ETV6: variants seen among roughly 807,000 people sequenced by gnomAD.
ETV6 encodes the protein ETS variant transcription factor 6, also known as transcription factor ETV6.
Under a neutral mutation model 51.1 loss-of-function variants are expected in ETV6, and 16 were observed. The ratio of observed to expected loss-of-function variants is 0.31; its 90% CI spans 0.21 to 0.48. The LOEUF is 0.48. Among genes scored for constraint, ETV6 ranks in the 20% least tolerant of loss-of-function variants. The pLI is 0.99. For synonymous variants in ETV6, 240 were observed against 224.1 expected, an observed-to-expected ratio of 1.07 and a Z score of -0.64; for missense variants, 458 against 594.8, an observed-to-expected ratio of 0.77 and a Z score of 2.39.
At chr12:11,819,205 G>A (rs1037699511) in intron 2 of ETV6, among the ~76,000 whole-genome samples, 43 of 152,050 alleles carry the variant, frequency 2.8e-4, no homozygotes, top group Admixed American at 1.2e-3. Flanking sequence ...TCAACCCTCC[G>A]TGATCTGGTT....
chr12:11,819,221 G>A (rs955246715), intron 2 of ETV6, among the ~76,000 whole-genome samples: 16 of 152,004 alleles, frequency 1.1e-4, no homozygotes, highest in African/African-American at 2.7e-4. Context: ...TGGTTTCTAC[G>A]CCTGCTGCCC....
At chr12:11,717,871 G>A (rs1305873022) in intron 1 of ETV6, among the ~76,000 whole-genome samples, 1 of 152,106 alleles carries the variant, frequency 6.6e-6, no homozygotes, top group African/African-American at 2.4e-5. Flanking sequence ...ACTACTCGCT[G>A]CAACAACCCG....
intron 1 of ETV6, among the ~76,000 whole-genome samples, chr12:11,749,640 A>G (rs926976599): frequency 1.3e-5 from 2 of 152,310 alleles, no homozygotes; most frequent in East Asian, 1.9e-4. Flanking sequence ...GGTTATTGCA[A>G]TAGAGTGAAA....
chr12:11,649,961 C>A lies in ETV6; in HGVS notation c.-167C>A. The A allele has an allele frequency of 2.2e-6, 1 of 453,162 alleles. No homozygotes were observed. Among genetic ancestry groups the A allele is most frequent in the East Asian group, 3.5e-5 (1 of 28,634 alleles). The allele number at this position is 453,162 out of a possible 1,614,324, so 28.1% of individuals were successfully genotyped here. On this transcript the variant is annotated 5_prime_UTR_variant, in exon 1 of 8. Coordinates refer to ENST00000396373, the MANE Select transcript of ETV6 (RefSeq NM_001987.5). ...GCGCGCCCAACTCCGCCGGCCGCCC[C>A]GCCCCGCCCCGCGCGCTCCAGACCC...
intron 1 of ETV6, among the ~76,000 whole-genome samples, chr12:11,738,141 A>G (rs975209220): frequency 6.6e-6 from 1 of 152,038 alleles, no homozygotes; most frequent in Non-Finnish European, 1.5e-5. Flanking sequence ...CATCAGTCAC[A>G]GCATAGAAAG....
In ETV6 at chr12:11,720,758, C is replaced by T. The variant is rs1344632002; in HGVS notation, c.34-31692C>T. ...CTAATTAAACTAAAGAGCTTCTGCA[C>T]GGCAAAAGAATCAACAGAGTAAACA... On this transcript the variant is annotated intron_variant, in intron 1 of 7. Coordinates refer to ENST00000396373, the MANE Select transcript of ETV6 (RefSeq NM_001987.5). Among the ~76,000 whole-genome samples, 3 of 152,240 alleles carry T rather than the reference C, an allele frequency of 2.0e-5. No individual in the cohort carries two copies. The East Asian group carries it at 5.8e-4, about 29-fold the overall frequency.
intron 1 of ETV6, among the ~76,000 whole-genome samples, chr12:11,693,150 G>A (rs1209553583): frequency 6.6e-6 from 1 of 152,172 alleles, no homozygotes; most frequent in African/African-American, 2.4e-5. Flanking sequence ...GAAGACTTAC[G>A]GTGGTGGGAG....
At chr12:11,830,723 A>C (rs758670090) in intron 2 of ETV6, among the ~76,000 whole-genome samples, 2 of 152,222 alleles carry the variant, frequency 1.3e-5, no homozygotes, top group Admixed American at 6.5e-5. Context: ...ACCGTGTGCA[A>C]ATCACTGCAA....
At chr12:11,859,343 G>T (rs1490294037) in intron 4 of ETV6, among the ~76,000 whole-genome samples, 1 of 151,410 alleles carries the variant, frequency 6.6e-6, no homozygotes, top group Admixed American at 6.6e-5. Context: ...GGGTTTCGCC[G>T]TGTTAGCCAG....
rs1300993680 is a variant in ETV6, at chr12:11,869,872, C to G, written c.912C>G (p.Ile304Met). Residue 304 changes from isoleucine to methionine, a missense_variant, in exon 5 of 8, where the codon ATC (isoleucine) becomes ATG (methionine). Ile to Met is a conservative substitution (Grantham distance 10). Transcript: ENST00000396373. This position sits in a 1 kb window ranked among gnomAD's most constrained non-coding sequence, Gnocchi z 5.0. ...EDGLHREGKP[I>M]NLSHREDLAY... Reference sequence around the variant, plus strand: ...GGCTGCATAGGGAAGGGAAGCCCATCAACCTCTCTCATCGGGAAGACCTGG... The same window carrying G: ...GGCTGCATAGGGAAGGGAAGCCCATGAACCTCTCTCATCGGGAAGACCTGG... 1 of 1,613,102 alleles carries G rather than the reference C, an allele frequency of 6.2e-7. No individual in the cohort carries two copies. Among genetic ancestry groups the G allele is most frequent in the African/African-American group, 1.3e-5 (1 of 75,074 alleles).
chr12:11,769,270 T>C (rs1243851685), intron 2 of ETV6, among the ~76,000 whole-genome samples: 1 of 152,224 alleles, frequency 6.6e-6, no homozygotes, highest in Non-Finnish European at 1.5e-5. Context: ...TTCACTTATT[T>C]GGGCATAGAT....
chr12:11,825,299 T>G (rs1036370508), intron 2 of ETV6, among the ~76,000 whole-genome samples: 2 of 152,166 alleles, frequency 1.3e-5, no homozygotes, highest in African/African-American at 2.4e-5. Context: ...AGGTGATTTT[T>G]TAAAAGAGAA....
intron 1 of ETV6, among the ~76,000 whole-genome samples, chr12:11,714,874 C>T (rs904895703): frequency 1.3e-5 from 2 of 151,920 alleles, no homozygotes; most frequent in Non-Finnish European, 2.9e-5. Flanking sequence ...GGTTAGAAGG[C>T]AGTTAAAGGG....
At chr12:11,662,372 T>G (rs1864115896) in intron 1 of ETV6, among the ~76,000 whole-genome samples, 1 of 152,212 alleles carries the variant, frequency 6.6e-6, no homozygotes. Flanking sequence ...CACAAATCAC[T>G]AACATTCTTC....
At chr12:11,771,880 G>A (rs1472838034) in intron 2 of ETV6, among the ~76,000 whole-genome samples, 1 of 152,182 alleles carries the variant, frequency 6.6e-6, no homozygotes, top group East Asian at 1.9e-4. Flanking sequence ...CTTGGAGTCA[G>A]GAAGCCTGGC....
At chr12:11,800,528 C>A (rs958064223) in intron 2 of ETV6, among the ~76,000 whole-genome samples, 10 of 151,814 alleles carry the variant, frequency 6.6e-5, no homozygotes, top group Admixed American at 4.6e-4. Context: ...ATCTAACTGA[C>A]GTTTTGTATC....
rs1207214494 is a variant in ETV6, at chr12:11,895,367, C to T, written c.*4321C>T. The T allele has an allele frequency of 4.5e-6, 1 of 222,104 alleles. No homozygotes were observed. The highest frequency in any genetic ancestry group is 2.3e-5 in the African/African-American group (1 of 43,018). The allele number at this position is 222,104 out of a possible 1,614,324, so 13.8% of individuals were successfully genotyped here. ...ATTTTTAAAGAAAAGCCTATAATTA[C>T]ATCATCTCAATAAATTTTTTATAAA... On this transcript the variant is annotated 3_prime_UTR_variant, in exon 8 of 8. Transcript: ENST00000396373.
intron 1 of ETV6, among the ~76,000 whole-genome samples, chr12:11,732,861 A>G (rs1399550949): frequency 6.6e-6 from 1 of 152,156 alleles, no homozygotes; most frequent in Non-Finnish European, 1.5e-5. Context: ...AAAAATATAT[A>G]TTTCTAATAG....
At chr12:11,736,449 A>G (rs905616151) in intron 1 of ETV6, among the ~76,000 whole-genome samples, 11 of 152,228 alleles carry the variant, frequency 7.2e-5, no homozygotes, top group Non-Finnish European at 1.2e-4. Context: ...CTGTCCAGGT[A>G]TACTTGATAT....
Sources: gnomAD v4.1 joint callset for allele counts (sites outside exome capture counted in the v4.1 genomes callset) on GRCh38, gnomAD v4.1.1 for gene constraint, Gnocchi (gnomAD v3.1) non-coding constraint, MANE v1.5 for transcripts, NCBI Gene and HGNC (gene_info 2026-07-23, HGNC 2026-07-21) for gene names.